NPAS3: variants seen among roughly 807,000 people sequenced by gnomAD.
NPAS3 encodes the protein neuronal PAS domain protein 3, also known as neuronal PAS domain-containing protein 3.
A neutral mutation model predicts 73.1 loss-of-function variants in NPAS3; 14 were observed. That is an observed-to-expected ratio of 0.19 (90% CI 0.13 to 0.30). The LOEUF (loss-of-function observed/expected upper bound fraction) is 0.30. Among genes scored for constraint, NPAS3 ranks in the 10% least tolerant of loss-of-function variants. NPAS3 has a pLI of 1.00. For missense variants in NPAS3, 1,096 were observed against 1,250.0 expected (o/e 0.88, Z 1.86); for synonymous variants, 620 against 541.5 (o/e 1.14, Z -2.01).
rs376070569 is a variant in NPAS3, at chr14:33,799,995, G to A, written c.1688G>A (p.Ser563Asn). ...ATCAAGGTGGAGCGCTACGTGGAGA[G>A]CGAGTCGGACCTGCGGCTGCAGAAC... Residue 563 changes from serine to asparagine, a missense_variant, in exon 12 of 12, where the codon AGC becomes AAC. Physicochemically the swap from Ser to Asn is conservative, Grantham distance 46 (BLOSUM62 1). Around this residue, in one of 5 missense-constraint regions of NPAS3, gnomAD observed 698 missense variants for 676.7 expected, o/e 1.03. Transcript: ENST00000356141. The A allele has an allele frequency of 1.9e-6, 3 of 1,613,226 alleles. No homozygotes were observed. The African/African-American group carries it at 4.0e-5, about 21-fold the overall frequency.
chr14:33,240,339 G>T (rs2048174168), intron 3 of NPAS3, among the ~76,000 whole-genome samples: 2 of 151,294 alleles, frequency 1.3e-5, no homozygotes, highest in Admixed American at 6.6e-5. Flanking sequence ...CTAATTCCTG[G>T]CTCCATTTTG....
At chr14:33,540,676 G>A (rs1356376396) in intron 4 of NPAS3, among the ~76,000 whole-genome samples, 1 of 152,160 alleles carries the variant, frequency 6.6e-6, no homozygotes, top group Non-Finnish European at 1.5e-5. Flanking sequence ...GGGAAAAATG[G>A]GGTCTCTTCA....
At chr14:33,568,462 C>T (rs1183858513) in intron 5 of NPAS3, among the ~76,000 whole-genome samples, 2 of 152,070 alleles carry the variant, frequency 1.3e-5, no homozygotes, top group South Asian at 4.1e-4. Context: ...GTCCATAATG[C>T]GGTGCTTATA....
intron 6 of NPAS3, among the ~76,000 whole-genome samples, chr14:33,701,430 T>C: frequency 6.6e-6 from 1 of 152,196 alleles, no homozygotes; most frequent in East Asian, 1.9e-4. Context: ...CAAAACTGCG[T>C]ATGGATGTGA....
At chr14:33,325,621 C>T (rs2043665303) in intron 3 of NPAS3, among the ~76,000 whole-genome samples, 1 of 131,842 alleles carries the variant, frequency 7.6e-6, no homozygotes, top group South Asian at 2.3e-4. Flanking sequence ...GCCTGGGTGA[C>T]AGGGTGAGAC....
chr14:33,367,903 C>T (rs1436202778), intron 4 of NPAS3, among the ~76,000 whole-genome samples: 2 of 152,120 alleles, frequency 1.3e-5, no homozygotes, highest in Non-Finnish European at 2.9e-5. Flanking sequence ...TCATTGCAAA[C>T]TCGTCATCTC....
chr14:33,266,086 C>G (rs968393598), intron 3 of NPAS3, among the ~76,000 whole-genome samples: 1 of 151,842 alleles, frequency 6.6e-6, no homozygotes, highest in East Asian at 1.9e-4. Context: ...GCTAACATTG[C>G]AGAATTGTTA....
At chr14:33,015,889 T>A (rs2039372983) in intron 1 of NPAS3, among the ~76,000 whole-genome samples, 1 of 152,238 alleles carries the variant, frequency 6.6e-6, no homozygotes, top group Non-Finnish European at 1.5e-5. Context: ...GTAATATTTT[T>A]AAATCCCAGA....
intron 1 of NPAS3, among the ~76,000 whole-genome samples, chr14:32,995,515 G>A (rs185762942): frequency 2.0e-5 from 3 of 152,158 alleles, no homozygotes; most frequent in African/African-American, 7.2e-5. Context: ...ATATGGTTTG[G>A]TTCTGTGTCC....
chr14:33,719,857 G>A (rs541040649), intron 6 of NPAS3, among the ~76,000 whole-genome samples: 5 of 152,094 alleles, frequency 3.3e-5, no homozygotes, highest in African/African-American at 9.7e-5. Context: ...TTCTTCTCAA[G>A]GTATTTGCAA....
intron 4 of NPAS3, among the ~76,000 whole-genome samples, chr14:33,531,006 T>C (rs8020178): frequency 0.04 from 6,061 of 152,108 alleles, 284 homozygotes; most frequent in African/African-American, 0.12. Context: ...TAGATGAAGA[T>C]AAAATTGGTC....
At chr14:33,680,911 T>TTAGGATCATCATTATAGTAG (rs1456181530) in intron 6 of NPAS3, 4 of 479,468 alleles carry the variant, frequency 8.3e-6, no homozygotes, top group Non-Finnish European at 1.5e-5. Flanking sequence ...TTTTGTGGCA[T>TTAGGATCATCATTATAGTAG]TAGGATCATC....
intron 4 of NPAS3, among the ~76,000 whole-genome samples, chr14:33,554,802 C>A (rs2055280301): frequency 6.6e-6 from 1 of 152,170 alleles, no homozygotes; most frequent in Admixed American, 6.5e-5. Flanking sequence ...AGGCAAAACT[C>A]CTTTGACAAA....
intron 2 of NPAS3, among the ~76,000 whole-genome samples, chr14:33,207,518 A>G (rs1393166138): frequency 6.6e-6 from 1 of 152,200 alleles, no homozygotes; most frequent in Admixed American, 6.5e-5. Context: ...TGTTCAGGAC[A>G]TTCATTTATC....
rs115054485 is a variant in NPAS3 at position 33,701,042 on chromosome 14, G to A, written c.733+24657G>A. ...GCATGTGAACAAAGAATTTAAGGGC[G>A]TCCGTGAAACAAAGGGGAGAGGAGA... On this transcript the variant is annotated intron_variant, in intron 6 of 11. Coordinates refer to ENST00000356141, the Ensembl canonical transcript of NPAS3. Among the ~76,000 whole-genome samples, 607 of 152,294 alleles carry A rather than the reference G, an allele frequency of 4.0e-3. 3 individuals carry two copies. Among genetic ancestry groups the A allele is most frequent in the Non-Finnish European group, 4.6e-3 (311 of 68,030 alleles).
intron 6 of NPAS3, among the ~76,000 whole-genome samples, chr14:33,690,764 C>T (rs1263843503): frequency 2.0e-5 from 3 of 151,240 alleles, no homozygotes; most frequent in African/African-American, 7.3e-5. Context: ...TAATATTTTT[C>T]ATCATGTTTA....
intron 3 of NPAS3, among the ~76,000 whole-genome samples, chr14:33,313,289 G>A (rs1292561376): frequency 2.6e-5 from 4 of 152,058 alleles, no homozygotes; most frequent in African/African-American, 9.7e-5. Context: ...TGAATCCCCT[G>A]ATTGTAATAT....
chr14:32,985,259 C>T (rs1411718788), intron 1 of NPAS3, among the ~76,000 whole-genome samples: 1 of 152,060 alleles, frequency 6.6e-6, no homozygotes, highest in Non-Finnish European at 1.5e-5. Context: ...ATGCTGGTGT[C>T]TCATTTTTAA....
chr14:33,196,571 C>CTCACCAAAT lies in NPAS3; in HGVS notation c.141-18611_141-18610insTCACCAAAT, dbSNP rs555740424. Among the ~76,000 whole-genome samples the CTCACCAAAT allele has an allele frequency of 8.5e-5, 13 of 152,250 alleles. No homozygotes were observed. In the South Asian group the frequency reaches 2.5e-3, roughly 29 times the overall value. On this transcript the variant is annotated intron_variant, in intron 2 of 11. Coordinates refer to ENST00000356141, the Ensembl canonical transcript of NPAS3. The stretch of plus-strand genomic sequence containing the variant: ...GGGTGGCTCTCCAGCGGGATAAGAC[C>CTCACCAAAT]CTCCTCACCGAAATCTCCGCTATAC...
Sources: allele counts gnomAD v4.1 joint callset (sites outside exome capture counted in the v4.1 genomes callset), GRCh38; gene constraint gnomAD v4.1.1; regional missense constraint gnomAD v4.1.1; transcripts MANE v1.5; gene names NCBI Gene and HGNC (gene_info 2026-07-23, HGNC 2026-07-21).